GABRR3: variants seen among roughly 807,000 people sequenced by gnomAD.
GABRR3 encodes the protein gamma-aminobutyric acid receptor subunit rho-3.
Under a neutral mutation model 43.2 loss-of-function variants are expected in GABRR3, and 29 were observed. The observed-to-expected ratio is 0.67, with a 90% CI of 0.50 to 0.92. The LOEUF (loss-of-function observed/expected upper bound fraction) is 0.92, where lower values mean the gene tolerates loss of function less well. GABRR3 is among the 40% of genes least tolerant of loss of function. GABRR3 has a pLI of 0.00. For missense variants in GABRR3, 576 were observed against 572.3 expected (o/e 1.01, Z -0.07); for synonymous variants, 206 against 195.9 (o/e 1.05, Z -0.43).
chr3:98,025,721 TG>T, intron 2 of GABRR3, 42 bp from the exon 3 acceptor site: 2 of 1,288,084 alleles, frequency 1.6e-6, no homozygotes, highest in Non-Finnish European at 2.2e-6. Flanking sequence ...GAGATACATA[TG>T]CTTCTGGATA....
In GABRR3 at chr3:98,035,243, T is replaced by G. The variant is rs978024296; in HGVS notation, c.-56A>C. 29 of 452,226 alleles carry G rather than the reference T, an allele frequency of 6.4e-5. No individual in the cohort carries two copies. Among genetic ancestry groups the G allele is most frequent in the Non-Finnish European group, 1.0e-4 (26 of 252,004 alleles). The allele number at this position is 452,226 out of a possible 1,614,324, so 28.0% of individuals were successfully genotyped here. A position where few individuals can be genotyped will look rare whatever the true frequency, so the allele number is the denominator to read the frequency against. ...AAGCAGATTTTTAAAATTTTCAGTT[T>G]ACATCCTTTGGTCCCTTTTTCCGGG... On this transcript the variant is annotated 5_prime_UTR_variant, in exon 1 of 10. It removes the in-frame stop codon of an upstream open reading frame in the 5' UTR. Coordinates refer to ENST00000621172, the Ensembl canonical transcript of GABRR3.
chr3:98,017,268 C>A (rs1188693380), intron 4 of GABRR3, among the ~76,000 whole-genome samples: 1 of 152,138 alleles, frequency 6.6e-6, no homozygotes, highest in Non-Finnish European at 1.5e-5. Context: ...AGCAGTCCAT[C>A]AATGCTGGTT....
intron 7 of GABRR3, among the ~76,000 whole-genome samples, chr3:98,005,659 C>A (rs983934072): frequency 6.6e-6 from 1 of 151,908 alleles, no homozygotes; most frequent in African/African-American, 2.4e-5. Context: ...CTGACAAGCA[C>A]AAATAAAATT....
chr3:98,031,388 G>A (rs1355399556), intron 2 of GABRR3, among the ~76,000 whole-genome samples: 1 of 152,250 alleles, frequency 6.6e-6, no homozygotes, highest in South Asian at 2.1e-4. Context: ...GAAAAGCTTG[G>A]ATTTCTTGCT....
chr3:98,028,745 C>G (rs951115975), intron 2 of GABRR3, among the ~76,000 whole-genome samples: 10 of 152,130 alleles, frequency 6.6e-5, no homozygotes, highest in Non-Finnish European at 1.3e-4. Context: ...TGTTTTAAAA[C>G]TATTCATGTC....
intron 8 of GABRR3, chr3:97,999,611 A>G (rs1037953886): frequency 1.3e-5 from 2 of 152,168 alleles, no homozygotes; most frequent in African/African-American, 4.8e-5. Context: ...AGAAAAGGAA[A>G]AAAAAGTCTT....
Position 97,992,951 on chromosome 3 carries a change from C to T in GABRR3, c.1005G>A (p.Trp335Ter). Residue 335 changes from tryptophan (W) to a stop codon, truncating the protein, a stop_gained, in exon 9 of 10, where the codon TGG becomes TGA. Transcript: ENST00000621172. LOFTEE classifies it high-confidence loss of function. ...ACAGGAACACAAAGAGGGAGCTGAC[C>T]CACAGGTACACATCCACAGCCTTGA... 1 of 1,613,604 alleles carries T rather than the reference C, an allele frequency of 6.2e-7. No individual in the cohort carries two copies. Among genetic ancestry groups the T allele is most frequent in the Non-Finnish European group, 8.5e-7 (1 of 1,179,670 alleles).
intron 8 of GABRR3, among the ~76,000 whole-genome samples, chr3:97,997,018 GAAC>G (rs146234787): frequency 2.6e-5 from 4 of 152,142 alleles, no homozygotes; most frequent in South Asian, 2.1e-4. Context: ...CTCGCTGAAG[GAAC>G]AACAACAACA....
At chr3:98,011,353 T>C (rs1049215599) in intron 5 of GABRR3, among the ~76,000 whole-genome samples, 1 of 152,222 alleles carries the variant, frequency 6.6e-6, no homozygotes, top group African/African-American at 2.4e-5. Flanking sequence ...ATCAGTATCA[T>C]GGAGCTGAAA....
intron 3 of GABRR3, among the ~76,000 whole-genome samples, chr3:98,018,169 G>A (rs1478277956): frequency 1.3e-5 from 2 of 152,106 alleles, no homozygotes; most frequent in Non-Finnish European, 2.9e-5. Flanking sequence ...AATCCTTGAC[G>A]TGGGCAATGT....
chr3:98,034,876 T>C (rs1291508168), exon 2 of GABRR3: 2 of 1,613,036 alleles, frequency 1.2e-6, no homozygotes, highest in South Asian at 2.2e-5. Flanking sequence ...GTTTGTTTCA[T>C]TGAAGAGGAG....
chr3:98,007,061 C>T (rs1706731261), intron 7 of GABRR3, among the ~76,000 whole-genome samples: 1 of 152,046 alleles, frequency 6.6e-6, no homozygotes, highest in Non-Finnish European at 1.5e-5. Context: ...GATTCCCCAC[C>T]CTTTTCCTGG....
exon 9 of GABRR3, chr3:97,992,978 G>A: frequency 6.2e-7 from 1 of 1,613,568 alleles, no homozygotes; most frequent in Non-Finnish European, 8.5e-7. Context: ...CAGCCTTGAG[G>A]TAGGACACCT....
In GABRR3 at chr3:97,986,991, A is replaced by G; in HGVS notation, c.1105-9T>C. On this transcript the variant is annotated splice_polypyrimidine_tract_variant and intron_variant, in intron 9 of 9. Coordinates refer to ENST00000621172, the Ensembl canonical transcript of GABRR3. ...TTGTACATCCTAGAAATCTGTCAAA[A>G]AACTTTTTTTTAAAGTAGGTCTTGA... The G allele has an allele frequency of 6.5e-7, 1 of 1,538,090 alleles. No homozygotes were observed. Among genetic ancestry groups the G allele is most frequent in the Non-Finnish European group, 8.7e-7 (1 of 1,146,160 alleles).
chr3:98,031,790 G>T (rs1000458229), intron 2 of GABRR3, among the ~76,000 whole-genome samples: 1 of 152,006 alleles, frequency 6.6e-6, no homozygotes, highest in African/African-American at 2.4e-5. Flanking sequence ...ACAAGAGAAG[G>T]CTGAACCTGA....
chr3:98,013,956 G>T (rs1286740774), intron 4 of GABRR3, among the ~76,000 whole-genome samples: 2 of 152,180 alleles, frequency 1.3e-5, no homozygotes, highest in African/African-American at 2.4e-5. Flanking sequence ...ACTATCAGGA[G>T]CAGGCCAAAC....
At chr3:98,016,299 T>A (rs756801054) in intron 4 of GABRR3, among the ~76,000 whole-genome samples, 13 of 152,076 alleles carry the variant, frequency 8.5e-5, no homozygotes, top group Non-Finnish European at 1.3e-4. Flanking sequence ...CTCAATTATT[T>A]CCCATGACAG....
intron 2 of GABRR3, among the ~76,000 whole-genome samples, chr3:98,033,449 T>G (rs1432225808): frequency 6.6e-6 from 1 of 152,094 alleles, no homozygotes; most frequent in Non-Finnish European, 1.5e-5. Context: ...GAACCAATGT[T>G]CTTTTCTTTT....
chr3:97,992,355 C>T (rs759525396), intron 9 of GABRR3, among the ~76,000 whole-genome samples: 2 of 152,138 alleles, frequency 1.3e-5, no homozygotes, highest in African/African-American at 2.4e-5. Context: ...AAGCCTGATT[C>T]CTCTTCAGCT....
Sources: gnomAD v4.1 joint callset for allele counts (sites outside exome capture counted in the v4.1 genomes callset) on GRCh38, gnomAD v4.1.1 for gene constraint, MANE v1.5 for transcripts, NCBI Gene and HGNC (gene_info 2026-07-23, HGNC 2026-07-21) for gene names.